Variants in GRID2 observed in about 807,000 individuals in gnomAD.
The protein encoded by GRID2 is glutamate ionotropic receptor delta type subunit 2.
A neutral mutation model predicts 114.8 loss-of-function variants in GRID2; 33 were observed. That is an observed-to-expected ratio of 0.29 (90% confidence interval 0.22 to 0.38). The LOEUF (loss-of-function observed/expected upper bound fraction) is 0.38. Ranked by LOEUF, GRID2 falls within the 10% of genes least tolerant of loss-of-function variation. The pLI is 1.00. For missense variants in GRID2, 1,184 were observed against 1,257.7 expected (o/e 0.94, Z 0.89); for synonymous variants, 505 against 449.9 (o/e 1.12, Z -1.55).
chr4:92,478,609 G>A (rs936326253), intron 1 of GRID2, among the ~76,000 whole-genome samples: 1 of 152,002 alleles, frequency 6.6e-6, no homozygotes, highest in African/African-American at 2.4e-5. Context: ...AAGTTCTTTA[G>A]GACCTTAATT....
At chr4:93,177,048 C>T (rs958110967) in intron 4 of GRID2, among the ~76,000 whole-genome samples, 4 of 151,984 alleles carry the variant, frequency 2.6e-5, no homozygotes, top group Non-Finnish European at 4.4e-5. Context: ...TGCGTGATAC[C>T]GATGTATTTA....
chr4:92,950,976 C>G (rs992312562), intron 2 of GRID2, among the ~76,000 whole-genome samples: 15 of 152,070 alleles, frequency 9.9e-5, no homozygotes, highest in African/African-American at 3.6e-4. Context: ...TATTTACTTT[C>G]AGTAATTTCC....
chr4:92,731,741 C>A (rs1174899359), intron 2 of GRID2, among the ~76,000 whole-genome samples: 1 of 151,810 alleles, frequency 6.6e-6, no homozygotes, highest in Non-Finnish European at 1.5e-5. Context: ...CATTTGTTCT[C>A]TTGTAAAAAG....
chr4:92,402,596 T>C (rs1196131454), intron 1 of GRID2, among the ~76,000 whole-genome samples: 1 of 152,186 alleles, frequency 6.6e-6, no homozygotes, highest in East Asian at 1.9e-4. Flanking sequence ...TAAAGGAATC[T>C]TGTTTTATGA....
chr4:92,349,249 T>G (rs2110179348), intron 1 of GRID2, among the ~76,000 whole-genome samples: 1 of 152,130 alleles, frequency 6.6e-6, no homozygotes, highest in African/African-American at 2.4e-5. Context: ...TAGGGTAGTT[T>G]TAATGACTTC....
At chr4:92,781,116 G>A (rs547769991) in intron 2 of GRID2, among the ~76,000 whole-genome samples, 37 of 151,852 alleles carry the variant, frequency 2.4e-4, no homozygotes, top group African/African-American at 8.5e-4. Flanking sequence ...ATGGTGGCAC[G>A]TGCCTTTTAG....
intron 2 of GRID2, among the ~76,000 whole-genome samples, chr4:92,763,136 T>G (rs561050165): frequency 6.6e-6 from 1 of 152,336 alleles, no homozygotes; most frequent in Non-Finnish European, 1.5e-5. Flanking sequence ...CTTTTACTTT[T>G]GCTATTGTAA....
At chr4:92,784,943 G>A (rs1391992098) in intron 2 of GRID2, among the ~76,000 whole-genome samples, 3 of 151,720 alleles carry the variant, frequency 2.0e-5, no homozygotes, top group Admixed American at 6.6e-5. Flanking sequence ...GAATTATGTG[G>A]TATTAAGTAC....
At chr4:93,527,184 T>C (rs960894431) in intron 13 of GRID2, among the ~76,000 whole-genome samples, 1 of 152,200 alleles carries the variant, frequency 6.6e-6, no homozygotes, top group Non-Finnish European at 1.5e-5. Context: ...CCATGACTAT[T>C]AGCATATCTT....
intron 2 of GRID2, among the ~76,000 whole-genome samples, chr4:93,081,604 A>T (rs1051321412): frequency 1.3e-5 from 2 of 152,138 alleles, no homozygotes; most frequent in East Asian, 1.9e-4. Flanking sequence ...GAGTCATAAA[A>T]CCAGCAAGCT....
chr4:93,505,855 A>C (rs1354830371), intron 12 of GRID2, among the ~76,000 whole-genome samples: 2 of 152,062 alleles, frequency 1.3e-5, no homozygotes, highest in Non-Finnish European at 2.9e-5. Flanking sequence ...AGGGTTCATG[A>C]TGTGACACAA....
intron 14 of GRID2, among the ~76,000 whole-genome samples, chr4:93,635,568 C>T (rs999248683): frequency 6.6e-6 from 1 of 151,966 alleles, no homozygotes; most frequent in African/African-American, 2.4e-5. Flanking sequence ...TTCAGAGCAA[C>T]CTCCTCTTTA....
intron 2 of GRID2, among the ~76,000 whole-genome samples, chr4:92,671,913 T>G (rs1304394440): frequency 6.6e-6 from 1 of 152,118 alleles, no homozygotes; most frequent in Non-Finnish European, 1.5e-5. Context: ...TCAAATGCTG[T>G]CAGACCATAT....
intron 10 of GRID2, among the ~76,000 whole-genome samples, chr4:93,442,600 A>T (rs1721721404): frequency 6.6e-6 from 1 of 152,046 alleles, no homozygotes; most frequent in African/African-American, 2.4e-5. Flanking sequence ...TAGAGAAGAG[A>T]GAGACAGAAC....
chr4:92,959,057 C>CTTTTTTT (rs74267681), intron 2 of GRID2, among the ~76,000 whole-genome samples: 1 of 70,834 alleles, frequency 1.4e-5, no homozygotes, highest in Non-Finnish European at 3.1e-5. Flanking sequence ...GTCCACTCTT[C>CTTTTTTT]TTTTTTTTTT....
At chr4:92,688,463 C>A (rs563444490) in intron 2 of GRID2, among the ~76,000 whole-genome samples, 1 of 152,254 alleles carries the variant, frequency 6.6e-6, no homozygotes, top group East Asian at 1.9e-4. Context: ...GCTGTATCAA[C>A]TACATTTATG....
intron 2 of GRID2, among the ~76,000 whole-genome samples, chr4:92,975,825 A>G (rs1457423859): frequency 2.0e-5 from 3 of 152,136 alleles, no homozygotes; most frequent in Non-Finnish European, 4.4e-5. Flanking sequence ...ACAATGAAAC[A>G]TGGAGTGTTT....
intron 1 of GRID2, among the ~76,000 whole-genome samples, chr4:92,413,310 A>G (rs1731429805): frequency 6.6e-6 from 1 of 152,196 alleles, no homozygotes; most frequent in Non-Finnish European, 1.5e-5. Context: ...TTAGGTTGAA[A>G]TTAAACTATG....
intron 8 of GRID2, among the ~76,000 whole-genome samples, chr4:93,264,097 A>G (rs1750545124): frequency 1.3e-5 from 2 of 152,196 alleles, no homozygotes; most frequent in Non-Finnish European, 2.9e-5. Context: ...TAGGGCTTCT[A>G]TGTTGAACTC....
Sources: gnomAD v4.1 joint callset for allele counts (sites outside exome capture counted in the v4.1 genomes callset) on GRCh38, gnomAD v4.1.1 for gene constraint, MANE v1.5 for transcripts, NCBI Gene and HGNC (gene_info 2026-07-23, HGNC 2026-07-21) for gene names.